Variants in CCNYL1 observed in about 807,000 individuals in gnomAD.
CCNYL1 encodes the protein cyclin-Y-like protein 1.
CCNYL1 carries 16 observed loss-of-function variants against 44.2 expected under a neutral mutation model. The observed-to-expected ratio is 0.36, with a 90% CI of 0.25 to 0.55. The LOEUF is 0.55. CCNYL1 is among the 20% of genes least tolerant of loss of function. CCNYL1 has a pLI of 0.85. For missense variants in CCNYL1, 348 were observed against 451.8 expected, an observed-to-expected ratio of 0.77 and a Z score of 2.08; for synonymous variants, 159 against 163.2, an observed-to-expected ratio of 0.97 and a Z score of 0.20.
chr2:207,753,501 CAT>C lies in CCNYL1; in HGVS notation c.970-86_970-85del, dbSNP rs112680679. ...ACTGTGAACTATCTAAAGGAGTCCA[CAT>C]GTGTGGCTTTCACAATGGTGCTCTT... On this transcript the variant is annotated intron_variant, in intron 9 of 9. Coordinates refer to ENST00000295414, the MANE Select transcript of CCNYL1 (RefSeq NM_001330218.2). The C allele has an allele frequency of 1.0e-3, 851 of 851,368 alleles. 5 individuals carry two copies. The highest frequency in any genetic ancestry group is 9.7e-3 in the Middle Eastern group (43 of 4,418). 52.7% of individuals were successfully genotyped at this position (851,368 alleles called of 1,614,324 possible).
chr2:207,743,819 T>G (rs926497561), intron 7 of CCNYL1, among the ~76,000 whole-genome samples: 1 of 150,968 alleles, frequency 6.6e-6, no homozygotes, highest in Non-Finnish European at 1.5e-5. Flanking sequence ...TTTGTTTTTG[T>G]TTTTGTTTTT....
chr2:207,714,392 G>A (rs1184982109), intron 1 of CCNYL1: 5 of 417,010 alleles, frequency 1.2e-5, no homozygotes, highest in Non-Finnish European at 1.9e-5. Flanking sequence ...CCTGGCCTGG[G>A]CTCAAGCAGT....
intron 1 of CCNYL1, among the ~76,000 whole-genome samples, chr2:207,712,459 T>G (rs1278338274): frequency 6.6e-6 from 1 of 152,154 alleles, no homozygotes; most frequent in Non-Finnish European, 1.5e-5. Flanking sequence ...TTTCCTTTTC[T>G]CAATGGAAAC....
chr2:207,715,746 G>A (rs1349944804), intron 1 of CCNYL1, among the ~76,000 whole-genome samples: 2 of 147,430 alleles, frequency 1.4e-5, no homozygotes, highest in Non-Finnish European at 3.0e-5. Flanking sequence ...GCGCGATCTC[G>A]GCTCACTGTA....
At chr2:207,729,123 A>G (rs1043320962) in intron 3 of CCNYL1, among the ~76,000 whole-genome samples, 20 of 152,188 alleles carry the variant, frequency 1.3e-4, no homozygotes, top group East Asian at 1.9e-4. Flanking sequence ...ATTGGGACCA[A>G]TAAGTCTGTA....
At chr2:207,753,409 T>G (rs1389538973) in intron 9 of CCNYL1, among the ~76,000 whole-genome samples, 179 bp from the exon 10 acceptor site, 1 of 152,230 alleles carries the variant, frequency 6.6e-6, no homozygotes, top group Admixed American at 6.5e-5. Flanking sequence ...GGATATTACC[T>G]TGGTGAACTG....
intron 4 of CCNYL1, among the ~76,000 whole-genome samples, chr2:207,734,836 T>A (rs1324438832): frequency 6.6e-6 from 1 of 152,178 alleles, no homozygotes; most frequent in Non-Finnish European, 1.5e-5. Flanking sequence ...TTTACACTCA[T>A]AATAATGTCA....
chr2:207,744,232 G>T (rs1008295163), intron 7 of CCNYL1, among the ~76,000 whole-genome samples: 1 of 151,922 alleles, frequency 6.6e-6, no homozygotes, highest in Non-Finnish European at 1.5e-5. Flanking sequence ...AACATTTTGT[G>T]TGTGTGTGTG....
At position 207,720,231 on chromosome 2, in the gene CCNYL1, A is replaced by T. The variant is rs1042195087; in HGVS notation, c.221-4569A>T. ...AAAAGGCTTGGTAGATCAAGAATGT[A>T]AATTTCAGATATATGGCATATAGGA... is the stretch of plus-strand genomic sequence containing the variant. On this transcript the variant is annotated intron_variant, in intron 1 of 9. Coordinates refer to ENST00000295414, the MANE Select transcript of CCNYL1 (RefSeq NM_001330218.2). Among the ~76,000 whole-genome samples the T allele has an allele frequency of 4.9e-4, 74 of 149,738 alleles. 2 individuals are homozygous for T. The highest frequency in any genetic ancestry group is 1.9e-4 in the Non-Finnish European group (13 of 67,614).
At chr2:207,732,595 T>TG (rs2091736559) in intron 3 of CCNYL1, among the ~76,000 whole-genome samples, 1 of 107,038 alleles carries the variant, frequency 9.3e-6, no homozygotes, top group Non-Finnish European at 1.7e-5. Context: ...TCTGAATTAG[T>TG]TTTTTTTTTA....
At position 207,754,786 on chromosome 2, in the gene CCNYL1, A is replaced by C. The variant is rs754702959; in HGVS notation, c.*1088A>C. On this transcript the variant is annotated 3_prime_UTR_variant, in exon 10 of 10. Transcript: ENST00000295414. ...ACAAGTAGCTGGGACTACAAGTGCA[A>C]CTGGCACCTGTCTCCTGAATATTAA... is the stretch of plus-strand genomic sequence containing the variant. 2 of 154,170 alleles carry C rather than the reference A, an allele frequency of 1.3e-5. No homozygotes were observed. Among genetic ancestry groups the C allele is most frequent in the African/African-American group, 4.8e-5 (2 of 41,480 alleles). The allele number at this position is 154,170 out of a possible 1,614,324, so 9.6% of individuals were successfully genotyped here. A position where few individuals can be genotyped will look rare whatever the true frequency, so the allele number is the denominator to read the frequency against.
intron 7 of CCNYL1, among the ~76,000 whole-genome samples, chr2:207,744,431 A>G (rs1170393930): frequency 6.6e-6 from 1 of 151,966 alleles, no homozygotes; most frequent in African/African-American, 2.4e-5. Flanking sequence ...CAGTGGCTCA[A>G]TCTTGGCTCA....
At chr2:207,716,685 C>T (rs1205060889) in intron 1 of CCNYL1, among the ~76,000 whole-genome samples, 3 of 152,214 alleles carry the variant, frequency 2.0e-5, no homozygotes, top group African/African-American at 2.4e-5. Context: ...ACATCATACA[C>T]AGTCTCATTA....
Position 207,712,028 on chromosome 2 carries a change from G to A in CCNYL1, c.132G>A (p.Ala44=). The change falls in exon 1 of 10, where the codon GCG becomes GCA. Residue 44 remains alanine (A), a synonymous_variant. Transcript: ENST00000295414. ...EAVSGDAVAV[A]PAVVEPAELD... ...TGTCCGGGGACGCGGTGGCGGTAGC[G>A]CCCGCTGTGGTGGAGCCTGCCGAGT... 1 of 1,506,464 alleles carries A rather than the reference G, an allele frequency of 6.6e-7. No individual in the cohort carries two copies. Among genetic ancestry groups the A allele is most frequent in the Non-Finnish European group, 8.9e-7 (1 of 1,127,194 alleles). 93.3% of individuals were successfully genotyped at this position (1,506,464 alleles called of 1,614,324 possible).
At chr2:207,728,390 C>G (rs1045049668) in intron 3 of CCNYL1, among the ~76,000 whole-genome samples, 1 of 151,910 alleles carries the variant, frequency 6.6e-6, no homozygotes, top group African/African-American at 2.4e-5. Context: ...ATCCTCCCAT[C>G]TCAGCCTTCC....
intron 1 of CCNYL1, among the ~76,000 whole-genome samples, chr2:207,712,889 C>T (rs146751310): frequency 3.2e-3 from 489 of 152,306 alleles, no homozygotes; most frequent in African/African-American, 0.011. Context: ...GATCTCGGCT[C>T]GCTGCAACCT....
intron 5 of CCNYL1, 84 bp downstream of exon 5, chr2:207,737,530 C>T: frequency 1.8e-6 from 2 of 1,094,696 alleles, no homozygotes; most frequent in Non-Finnish European, 1.4e-6. Flanking sequence ...TAACTATAGA[C>T]ATCATAAGCT....
In CCNYL1 at chr2:207,743,084, A is replaced by G. The variant is rs1052374530; in HGVS notation, c.639+742A>G. Among the ~76,000 whole-genome samples the G allele has an allele frequency of 2.6e-5, 4 of 152,170 alleles. 1 individual carries two copies. The highest frequency in any genetic ancestry group is 9.7e-5 in the African/African-American group (4 of 41,450). Reference sequence around the variant, plus strand: ...GGAGGGAAAGAATACTTAGGTCAGTACCTACTCCTTTAGCATCCAATTGGA... The same window carrying G: ...GGAGGGAAAGAATACTTAGGTCAGTGCCTACTCCTTTAGCATCCAATTGGA... On this transcript the variant is annotated intron_variant, in intron 7 of 9. Transcript: ENST00000295414.
intron 1 of CCNYL1, among the ~76,000 whole-genome samples, chr2:207,712,910 G>A (rs1037717777): frequency 1.3e-5 from 2 of 152,220 alleles, no homozygotes; most frequent in African/African-American, 4.8e-5. Flanking sequence ...CCGCCTCTCG[G>A]TTTCAAGCGA....
Sources: allele counts gnomAD v4.1 joint callset (sites outside exome capture counted in the v4.1 genomes callset), GRCh38; gene constraint gnomAD v4.1.1; transcripts MANE v1.5; gene names NCBI Gene and HGNC (gene_info 2026-07-23, HGNC 2026-07-21).